FAM83F: variants seen among roughly 807,000 people sequenced by gnomAD.
FAM83F encodes the protein protein FAM83F.
A neutral mutation model predicts 42.9 loss-of-function variants in FAM83F; 45 were observed. The ratio of observed to expected loss-of-function variants is 1.05; its 90% confidence interval spans 0.83 to 1.35. The LOEUF is 1.35. Among genes scored for constraint, FAM83F ranks in the 40% most tolerant of loss-of-function variants. The probability of loss-of-function intolerance (pLI) is 0.00; values close to 1 mark genes in which losing one functional copy is unlikely to be tolerated. For synonymous variants in FAM83F, 306 were observed against 298.3 expected (o/e 1.03, Z -0.27); for missense variants, 617 against 695.9 (o/e 0.89, Z 1.28).
chr22:40,011,168 G>A (rs1349975190), intron 1 of FAM83F, among the ~76,000 whole-genome samples: 3 of 152,116 alleles, frequency 2.0e-5, no homozygotes, highest in African/African-American at 7.2e-5. Flanking sequence ...AGTATGCAGT[G>A]TTATGTTATG....
rs2067369055 is a variant in FAM83F at position 39,995,391 on chromosome 22, C to T, written c.349C>T (p.Pro117Ser). ...YWPDRSDTEV[P>S]PLDLGWTDTG... is the part of the protein sequence containing the mutation. ...GCCCGACCGTTCCGACACCGAGGTG[C>T]CTCCTCTGGACCTGGGCTGGACGGA... is the stretch of plus-strand genomic sequence containing the variant. Residue 117 changes from proline (P) to serine (S), a missense_variant, in exon 1 of 5, where the codon CCT (proline) becomes TCT (serine). Physicochemically the swap from Pro to Ser is moderately conservative, Grantham distance 74 (BLOSUM62 -1). Transcript: ENST00000333407. This position sits in a 1 kb window ranked among gnomAD's most constrained non-coding sequence, Gnocchi z 4.6. 1.9e-6 allele frequency: 3 copies of T among 1,547,946 alleles called. No homozygotes were observed. Among genetic ancestry groups the T allele is most frequent in the East Asian group, 4.9e-5 (2 of 40,894 alleles).
rs1238390972 is a variant in FAM83F, at chr22:40,033,174, T to A, written c.*3609T>A. On this transcript the variant is annotated 3_prime_UTR_variant, in exon 5 of 5. Coordinates refer to ENST00000333407, the MANE Select transcript of FAM83F (RefSeq NM_138435.4). The stretch of plus-strand genomic sequence containing the variant: ...ATCTCAGCTCGCTACAACCTCCACC[T>A]CCTGGGTTTAAGTGATTCTCTGGCC... 6.6e-6 allele frequency: 1 copy of A among 152,034 alleles called. No homozygotes were observed. Among genetic ancestry groups the A allele is most frequent in the Non-Finnish European group, 1.5e-5 (1 of 68,016 alleles). The allele number at this position is 152,034 out of a possible 1,614,324, so 9.4% of individuals were successfully genotyped here.
At chr22:40,007,677 A>G (rs1361759467) in intron 1 of FAM83F, among the ~76,000 whole-genome samples, 1 of 46,922 alleles carries the variant, frequency 2.1e-5, no homozygotes, top group Non-Finnish European at 4.2e-5. Context: ...TCTCCTCCTC[A>G]TTTCCTCTCC....
At chr22:40,003,682 C>T (rs372099267) in intron 1 of FAM83F, among the ~76,000 whole-genome samples, 3 of 152,156 alleles carry the variant, frequency 2.0e-5, no homozygotes, top group South Asian at 2.1e-4. Context: ...TTTCCTTGTT[C>T]ATTCTCTGAA....
chr22:40,022,569 C>T (rs768915668), intron 4 of FAM83F, among the ~76,000 whole-genome samples: 1 of 152,150 alleles, frequency 6.6e-6, no homozygotes, highest in African/African-American at 2.4e-5. Context: ...TGAGTGCTGT[C>T]TGCCCAGCTG....
chr22:40,003,504 G>C (rs181221862), intron 1 of FAM83F, among the ~76,000 whole-genome samples: 1 of 152,050 alleles, frequency 6.6e-6, no homozygotes, highest in Admixed American at 6.5e-5. Context: ...GAGAACAAAT[G>C]AGCCCAGGGC....
chr22:40,005,656 C>G (rs2067423417), intron 1 of FAM83F, among the ~76,000 whole-genome samples: 3 of 152,352 alleles, frequency 2.0e-5, no homozygotes, highest in Admixed American at 6.5e-5. Flanking sequence ...CTCACTGGAT[C>G]AGCTCGACAG....
intron 4 of FAM83F, among the ~76,000 whole-genome samples, chr22:40,028,255 G>A (rs569082919): frequency 1.1e-4 from 16 of 152,344 alleles, no homozygotes; most frequent in Admixed American, 4.6e-4. Context: ...GATGAGGCCC[G>A]AGGCCGTGGG....
In FAM83F at chr22:40,019,980, G is replaced by A. The variant is rs753450699; in HGVS notation, c.751G>A (p.Gly251Ser). The change falls in exon 3 of 5, where the codon GGT becomes AGT. Residue 251 changes from glycine to serine, a missense_variant. Transcript: ENST00000333407. ...TLSSRFLMVD[G>S]DKVATGSYRF... Reference sequence around the variant, plus strand: ...GTCATCAAGGTTCCTGATGGTGGACGGTGACAAAGTGGCCACTGGATCTTA... The same window carrying A: ...GTCATCAAGGTTCCTGATGGTGGACAGTGACAAAGTGGCCACTGGATCTTA... The A allele has an allele frequency of 1.9e-5, 31 of 1,613,320 alleles. No individual in the cohort carries two copies. The highest frequency in any genetic ancestry group is 1.1e-4 in the African/African-American group (8 of 74,856).
At chr22:40,029,400 C>T (rs989612668) in intron 4 of FAM83F, 116 bp from the exon 5 acceptor site, 12 of 1,384,198 alleles carry the variant, frequency 8.7e-6, no homozygotes, top group Non-Finnish European at 1.2e-5. Flanking sequence ...GGGAGGGAGA[C>T]AGTGACCCCA....
At chr22:40,020,352 C>A (rs2067512902) in intron 3 of FAM83F, among the ~76,000 whole-genome samples, 1 of 149,800 alleles carries the variant, frequency 6.7e-6, no homozygotes, top group Non-Finnish European at 1.5e-5. Flanking sequence ...GGGAATGTCG[C>A]CAGAATTTTT....
At chr22:40,029,137 G>A (rs543941571) in intron 4 of FAM83F, among the ~76,000 whole-genome samples, 8 of 148,106 alleles carry the variant, frequency 5.4e-5, no homozygotes, top group Non-Finnish European at 7.5e-5. Context: ...GTGTGTGAAA[G>A]CAAGTTTATT....
In FAM83F at chr22:40,012,951, C is replaced by T. The variant is rs575584667; in HGVS notation, c.490-6217C>T. Among the ~76,000 whole-genome samples the T allele has an allele frequency of 2.2e-3, 316 of 144,942 alleles. 1 individual carries two copies. The highest frequency in any genetic ancestry group is 6.4e-3 in the African/African-American group (250 of 38,908). On this transcript the variant is annotated intron_variant, in intron 1 of 4. Transcript: ENST00000333407. ...AAAAAAAATTAGCCAGGCATGGTGA[C>T]GGGCACCTGTAGTCCCAGCTACTCG...
chr22:40,019,445 C>G, intron 2 of FAM83F, 110 bp downstream of exon 2: 2 of 976,154 alleles, frequency 2.0e-6, no homozygotes, highest in South Asian at 3.1e-5. Flanking sequence ...CTCAGGCGAA[C>G]TTCAAGATCT....
chr22:40,005,323 C>T (rs1042509868), intron 1 of FAM83F, among the ~76,000 whole-genome samples: 3 of 152,182 alleles, frequency 2.0e-5, no homozygotes, highest in African/African-American at 7.2e-5. Context: ...TTTTTTTTAG[C>T]CACTGATTTA....
rs766113764 is a variant in FAM83F at position 40,029,546 on chromosome 22, G to T, written c.1484G>T (p.Ser495Ile). The T allele has an allele frequency of 1.2e-6, 2 of 1,612,680 alleles. No homozygotes were observed. The highest frequency in any genetic ancestry group is 1.7e-6 in the Non-Finnish European group (2 of 1,179,426). The change falls in exon 5 of 5, where the codon AGC becomes ATC. Residue 495 changes from serine to isoleucine, a missense_variant. Physicochemically the swap from Ser to Ile is moderately radical, Grantham distance 142. Transcript: ENST00000333407. ...GKTSPSSAKP[S>I]NCVIS is the part of the protein sequence containing the mutation. ...ACAAGTCCCAGTTCTGCCAAGCCTAGCAACTGTGTGATTTCCTGAGCTGCG... is the reference window on the plus strand; with the variant it reads ...ACAAGTCCCAGTTCTGCCAAGCCTATCAACTGTGTGATTTCCTGAGCTGCG...
rs2067530778 is a variant in FAM83F, at chr22:40,023,026, G to C, written c.1453+1063G>C. Among the ~76,000 whole-genome samples, 1 of 152,200 alleles carries C rather than the reference G, an allele frequency of 6.6e-6. No individual in the cohort carries two copies. The highest frequency in any genetic ancestry group is 2.4e-5 in the African/African-American group (1 of 41,448). On this transcript the variant is annotated intron_variant, in intron 4 of 4. Coordinates refer to ENST00000333407, the MANE Select transcript of FAM83F (RefSeq NM_138435.4). This position sits in a 1 kb window ranked among gnomAD's most constrained non-coding sequence, Gnocchi z 4.1. The stretch of plus-strand genomic sequence containing the variant: ...TGGCTAACTTTGCTTCTTGGAGTTG[G>C]AACAGGCCTGGGCGCCTCTGTGGCT...
At chr22:40,006,474 C>T (rs766268924) in intron 1 of FAM83F, among the ~76,000 whole-genome samples, 2 of 152,216 alleles carry the variant, frequency 1.3e-5, no homozygotes, top group Non-Finnish European at 2.9e-5. Context: ...AGGGAAGGCA[C>T]ACACTACACT....
chr22:40,016,400 T>C (rs2067492559), intron 1 of FAM83F, among the ~76,000 whole-genome samples: 1 of 151,904 alleles, frequency 6.6e-6, no homozygotes. Flanking sequence ...GGTTTTGCCA[T>C]GTTGCCCAGG....
Sources: allele counts gnomAD v4.1 joint callset (sites outside exome capture counted in the v4.1 genomes callset), GRCh38; gene constraint gnomAD v4.1.1; non-coding constraint Gnocchi (gnomAD v3.1); transcripts MANE v1.5; gene names NCBI Gene and HGNC (gene_info 2026-07-23, HGNC 2026-07-21).